Variants in DUS1L observed in about 807,000 individuals in gnomAD.
The protein encoded by DUS1L is tRNA-dihydrouridine(16/17) synthase [NAD(P)(+)]-like.
In DUS1L, 56 loss-of-function variants were observed where a neutral mutation model predicts 61.2. The observed-to-expected ratio is 0.92, with a 90% CI of 0.74 to 1.14. The LOEUF (loss-of-function observed/expected upper bound fraction) is 1.14, where lower values mean the gene tolerates loss of function less well. Ranked by LOEUF, DUS1L falls within the 50% of genes most tolerant of loss-of-function variation. The pLI, the probability that DUS1L is intolerant of heterozygous loss-of-function variation, is 0.00. For synonymous variants in DUS1L, 278 were observed against 259.5 expected, an observed-to-expected ratio of 1.07 and a Z score of -0.69; for missense variants, 630 against 632.4, an observed-to-expected ratio of 1.00 and a Z score of 0.04.
rs2033474973 is a variant in DUS1L, at chr17:82,061,225, T to A, written c.826A>T (p.Lys276Ter). The part of the protein sequence containing the change: ...PLSYVRAHLF[K>*]LWHHTLQVHQ... ...GCAACTCACGTGTGGTGCCACAGCT[T>A]GAAGAGGTGGGCCCGGACGTAGGAC... The change falls in exon 8 of 14, where the codon AAG (lysine) becomes TAG (stop). Residue 276 changes from lysine (K) to a stop codon, truncating the protein, a stop_gained. Coordinates refer to ENST00000306796, the MANE Select transcript of DUS1L (RefSeq NM_022156.5). LOFTEE classifies it high-confidence loss of function. The A allele has an allele frequency of 6.3e-7, 1 of 1,595,548 alleles. No homozygotes were observed. The highest frequency in any genetic ancestry group is 1.1e-5 in the South Asian group (1 of 89,498).
Position 82,065,022 on chromosome 17 carries a change from GTGCGGCTCCAGAACTCGAA to G in DUS1L, c.19_37del (p.Phe7ProfsTer23), listed in dbSNP as rs1303613541. The G allele has an allele frequency of 1.1e-5, 18 of 1,607,404 alleles. No homozygotes were observed. The highest frequency in any genetic ancestry group is 1.5e-5 in the Non-Finnish European group (18 of 1,176,460). ...CACGACGTGGCGGGCCCCTCGCAGG[GTGCGGCTCCAGAACTCGAA>G]GCCCTGCAGCTTTGGCATCGTCTCC... On this transcript the variant is annotated frameshift_variant, in exon 2 of 14. Transcript: ENST00000306796. LOFTEE classifies it high-confidence loss of function.
intron 10 of DUS1L, 54 bp from the exon 11 acceptor site, chr17:82,060,147 G>T: frequency 6.3e-7 from 1 of 1,580,184 alleles, no homozygotes; most frequent in Non-Finnish European, 8.6e-7. Flanking sequence ...GGGCCCAGCA[G>T]CCACAGCCAC....
chr17:82,058,319 G>A (rs1257165402), intron 13 of DUS1L, 22 bp downstream of exon 13: 1 of 1,519,142 alleles, frequency 6.6e-7, no homozygotes, highest in South Asian at 1.3e-5. Context: ...CCTGCTGCGG[G>A]GCGGGTGGTA....
chr17:82,065,132 A>G (rs761343344), intron 1 of DUS1L, 63 bp from the exon 2 acceptor site: 9 of 1,435,590 alleles, frequency 6.3e-6, no homozygotes, highest in Non-Finnish European at 8.4e-6. Context: ...GACTCAACTC[A>G]GAGGCAGCGG....
At position 82,057,782 on chromosome 17, in the gene DUS1L, C is replaced by G; in HGVS notation, c.*333G>C. ...AGATGCTGCCTTCATTTAGATGTAT[C>G]CTGTTGTTCAGAAGCCCCCACTGGC... On this transcript the variant is annotated 3_prime_UTR_variant, in exon 14 of 14. Coordinates refer to ENST00000306796, the MANE Select transcript of DUS1L (RefSeq NM_022156.5). 1 of 240,926 alleles carries G rather than the reference C, an allele frequency of 4.2e-6. No homozygotes were observed. The highest frequency in any genetic ancestry group is 8.1e-6 in the Non-Finnish European group (1 of 123,826). 14.9% of individuals were successfully genotyped at this position (240,926 alleles called of 1,614,324 possible). A position where few individuals can be genotyped will look rare whatever the true frequency, so the allele number is the denominator to read the frequency against.
In DUS1L at chr17:82,058,212, G is replaced by A. The variant is rs1477186199; in HGVS notation, c.1325C>T (p.Ala442Val). ...LFKTKLEKSL[A>V]WKEAQPELQE... is the part of the protein sequence containing the mutation. ...CAGCTCAGGCTGGGCCTCTTTCCAG[G>A]CCAGAGACTTCTCCAATTTGGTTTT... Residue 442 changes from alanine (A) to valine (V), a missense_variant, in exon 14 of 14, where the codon GCC (alanine) becomes GTC (valine). Physicochemically the swap from Ala to Val is moderately conservative, Grantham distance 64. Coordinates refer to ENST00000306796, the MANE Select transcript of DUS1L (RefSeq NM_022156.5). 1 of 1,596,122 alleles carries A rather than the reference G, an allele frequency of 6.3e-7. No homozygotes were observed. Among genetic ancestry groups the A allele is most frequent in the Non-Finnish European group, 8.6e-7 (1 of 1,167,680 alleles).
chr17:82,060,241 C>A, intron 10 of DUS1L, 148 bp from the exon 11 acceptor site: 1 of 1,063,710 alleles, frequency 9.4e-7, no homozygotes, highest in East Asian at 2.6e-5. Context: ...CTCGGGCAGC[C>A]CATTCAGGAC....
Position 82,058,236 on chromosome 17 carries a change from T to A in DUS1L, c.1301A>T (p.Lys434Ile). 6.3e-7 allele frequency: 1 copy of A among 1,584,074 alleles called. No homozygotes were observed. Among genetic ancestry groups the A allele is most frequent in the East Asian group, 2.3e-5 (1 of 43,734 alleles). ...ADCPGHGLLF[K>I]TKLEKSLAWK... ...GGCCAGAGACTTCTCCAATTTGGTT[T>A]TAAAAAGCAATCCGTGACCTGGCAG... is the stretch of plus-strand genomic sequence containing the variant. The change falls in exon 14 of 14, where the codon AAA becomes ATA. Residue 434 changes from lysine (K) to isoleucine (I), a missense_variant. By Grantham distance (102) the Lys-to-Ile change is moderately radical. Transcript: ENST00000306796.
Position 82,057,871 on chromosome 17 carries a change from G to A in DUS1L, c.*244C>T, listed in dbSNP as rs1277036109. On this transcript the variant is annotated 3_prime_UTR_variant, in exon 14 of 14. Coordinates refer to ENST00000306796, the MANE Select transcript of DUS1L (RefSeq NM_022156.5). ...TGAGAGGGCAGTGGTCACAGGCTGT[G>A]GGCTCTCGCATCTTTGAAATGATTT... The A allele has an allele frequency of 7.7e-6, 3 of 388,600 alleles. No individual in the cohort carries two copies. Among genetic ancestry groups the A allele is most frequent in the Non-Finnish European group, 1.4e-5 (3 of 220,360 alleles). The allele number at this position is 388,600 out of a possible 1,614,324, so 24.1% of individuals were successfully genotyped here.
intron 12 of DUS1L, 43 bp downstream of exon 12, chr17:82,058,738 C>A: frequency 6.2e-7 from 1 of 1,612,616 alleles, no homozygotes; most frequent in Admixed American, 1.7e-5. Context: ...CTGCCCACCC[C>A]CAAAGCTGAA....
At position 82,058,199 on chromosome 17, in the gene DUS1L, G is replaced by A. The variant is rs1288088406; in HGVS notation, c.1338C>T (p.Ala446=). 1 of 1,600,934 alleles carries A rather than the reference G, an allele frequency of 6.2e-7. No homozygotes were observed. The highest frequency in any genetic ancestry group is 8.5e-7 in the Non-Finnish European group (1 of 1,171,204). The change falls in exon 14 of 14, where the codon GCC becomes GCT. Residue 446 remains alanine (A), a synonymous_variant. Coordinates refer to ENST00000306796, the MANE Select transcript of DUS1L (RefSeq NM_022156.5). ...GCTGAGGCTCCTGCAGCTCAGGCTGGGCCTCTTTCCAGGCCAGAGACTTCT... is the reference window on the plus strand; with the variant it reads ...GCTGAGGCTCCTGCAGCTCAGGCTGAGCCTCTTTCCAGGCCAGAGACTTCT... ...KLEKSLAWKE[A]QPELQEPQPA... is the part of the protein sequence containing the mutation.
Position 82,060,781 on chromosome 17 carries a change from C to G in DUS1L, c.942G>C (p.Glu314Asp). 1.2e-6 allele frequency: 2 copies of G among 1,612,358 alleles called. No individual in the cohort carries two copies. The highest frequency in any genetic ancestry group is 8.5e-7 in the Non-Finnish European group (1 of 1,179,638). Residue 314 changes from glutamate (E) to aspartate (D), a missense_variant and splice_region_variant, in exon 10 of 14, where the codon GAG becomes GAC. Glu to Asp is a conservative substitution (Grantham distance 45). Coordinates refer to ENST00000306796, the MANE Select transcript of DUS1L (RefSeq NM_022156.5). ...VSQELKLRCQ[E>D]EISRQEGAKP... ...TCGCTCCCTCCTGCCTGGATATCTCCTCCTGCAAAAGCCCAAGGCCCTGGT... is the reference window on the plus strand; with the variant it reads ...TCGCTCCCTCCTGCCTGGATATCTCGTCCTGCAAAAGCCCAAGGCCCTGGT...
intron 4 of DUS1L, 59 bp from the exon 5 acceptor site, chr17:82,063,032 GC>G: frequency 1.4e-6 from 2 of 1,441,008 alleles, no homozygotes; most frequent in Non-Finnish European, 1.9e-6. Context: ...TAGCGGCCAA[GC>G]CCCAGAGCCC....
rs200501649 is a variant in DUS1L, at chr17:82,062,992, G to A, written c.398-19C>T. 6.3e-7 allele frequency: 1 copy of A among 1,592,656 alleles called. No individual in the cohort carries two copies. Among genetic ancestry groups the A allele is most frequent in the East Asian group, 2.2e-5 (1 of 44,776 alleles). ...AGCAAAACTGGGGAGAAGAGAGGCA[G>A]CTTCTGAGGGGGCCATGGTGTTCCC... On this transcript the variant is annotated intron_variant, in intron 4 of 13. Coordinates refer to ENST00000306796, the MANE Select transcript of DUS1L (RefSeq NM_022156.5).
intron 6 of DUS1L, 48 bp from the exon 7 acceptor site, chr17:82,061,769 G>C (rs372273585): frequency 6.2e-7 from 1 of 1,602,320 alleles, no homozygotes; most frequent in African/African-American, 1.3e-5. Flanking sequence ...ACAGCACCCA[G>C]GTGATGCTGC....
At chr17:82,058,698 C>A in intron 12 of DUS1L, 83 bp downstream of exon 12, 1 of 1,591,140 alleles carries the variant, frequency 6.3e-7, no homozygotes, top group South Asian at 1.1e-5. Context: ...GGGCACCAGA[C>A]CTGCCACCCC....
chr17:82,061,953 G>C lies in DUS1L; in HGVS notation c.541C>G (p.Gln181Glu). The change falls in exon 6 of 14, where the codon CAG (glutamine) becomes GAG (glutamate). Residue 181 changes from glutamine to glutamate, a missense_variant. Coordinates refer to ENST00000306796, the MANE Select transcript of DUS1L (RefSeq NM_022156.5). ...GCTGCACCCGACAGGGGCCCCTTCT[G>C]CTCCTTGGTGCGTCCGTGCACCGTC... ...LLTVHGRTKE[Q>E]KGPLSGAASW... 6.2e-7 allele frequency: 1 copy of C among 1,610,282 alleles called. No individual in the cohort carries two copies. Among genetic ancestry groups the C allele is most frequent in the East Asian group, 2.2e-5 (1 of 44,840 alleles).
chr17:82,058,279 G>C, intron 13 of DUS1L, 25 bp from the exon 14 acceptor site: 1 of 1,555,276 alleles, frequency 6.4e-7, no homozygotes, highest in South Asian at 1.2e-5. Context: ...GAGAGGAGTC[G>C]GGGGTCAGGA....
Position 82,061,865 on chromosome 17 carries a change from C to T in DUS1L, c.593+36G>A, listed in dbSNP as rs375936528. 24 of 1,592,020 alleles carry T rather than the reference C, an allele frequency of 1.5e-5. No individual in the cohort carries two copies. The African/African-American group carries it at 2.7e-4, about 18-fold the overall frequency. ...GGAGCTGGGACCCCCAGCAAAGCCC[C>T]AAGGACTGAGGGCTGTGTCACCCAC... On this transcript the variant is annotated intron_variant, in intron 6 of 13. Coordinates refer to ENST00000306796, the MANE Select transcript of DUS1L (RefSeq NM_022156.5).
Sources: gnomAD v4.1 joint callset for allele counts on GRCh38, gnomAD v4.1.1 for gene constraint, MANE v1.5 for transcripts, NCBI Gene and HGNC (gene_info 2026-07-23, HGNC 2026-07-21) for gene names.